WDPCP: variants seen among roughly 807,000 people sequenced by gnomAD.
WDPCP encodes the protein WD repeat containing planar cell polarity effector.
WDPCP carries 71 observed loss-of-function variants against 93.1 expected under a neutral mutation model. The ratio of observed to expected loss-of-function variants is 0.76; its 90% CI spans 0.63 to 0.93. The LOEUF (loss-of-function observed/expected upper bound fraction) is 0.93, where lower values mean the gene tolerates loss of function less well. WDPCP is among the 40% of genes least tolerant of loss of function. The pLI is 0.00. For missense variants in WDPCP, 844 were observed against 887.4 expected (o/e 0.95, Z 0.62); for synonymous variants, 315 against 315.0 (o/e 1.00, Z 0.00).
chr2:63,664,501 CCTT>C (rs1426665210), intron 2 of WDPCP, among the ~76,000 whole-genome samples: 1 of 152,184 alleles, frequency 6.6e-6, no homozygotes, highest in Non-Finnish European at 1.5e-5. Context: ...ATGAGGGACT[CCTT>C]CTTTCTGCAC....
At chr2:63,268,270 T>A (rs539135408) in intron 13 of WDPCP, among the ~76,000 whole-genome samples, 23 of 152,226 alleles carry the variant, frequency 1.5e-4, no homozygotes, top group African/African-American at 5.3e-4. Context: ...TGGATTTTTT[T>A]TAAATTGATT....
Position 63,452,846 on chromosome 2 carries a change from A to G in WDPCP, c.385-12975T>C, listed in dbSNP as rs1698353792. ...TGACAAAAACAAGAAATGGGGAAACAACTCCCTATTTAATAAATGGTGCTG... is the reference window on the plus strand; with the variant it reads ...TGACAAAAACAAGAAATGGGGAAACGACTCCCTATTTAATAAATGGTGCTG... On this transcript the variant is annotated intron_variant, in intron 6 of 17. Coordinates refer to ENST00000272321, the MANE Select transcript of WDPCP (RefSeq NM_015910.7). 2.6e-5 allele frequency among the ~76,000 whole-genome samples: 4 copies of G among 152,256 alleles called. No individual in the cohort carries two copies. The East Asian group carries it at 5.8e-4, about 22-fold the overall frequency.
intron 1 of WDPCP, among the ~76,000 whole-genome samples, chr2:63,500,451 G>GC (rs1553412885): frequency 1.1e-4 from 10 of 95,124 alleles, no homozygotes; most frequent in Non-Finnish European, 2.0e-4. Context: ...AAAATGGTGT[G>GC]GGGGTGTGTG....
At chr2:63,445,381 A>G (rs1328864063) in intron 6 of WDPCP, among the ~76,000 whole-genome samples, 1 of 152,224 alleles carries the variant, frequency 6.6e-6, no homozygotes, top group African/African-American at 2.4e-5. Context: ...ATGGAATACA[A>G]CGTACCTAGA....
intron 13 of WDPCP, among the ~76,000 whole-genome samples, chr2:63,281,062 A>C (rs1260130865): frequency 1.3e-5 from 2 of 152,180 alleles, no homozygotes; most frequent in East Asian, 3.8e-4. Context: ...AAAGGGAGAA[A>C]ATCTTCACAA....
intron 9 of WDPCP, among the ~76,000 whole-genome samples, chr2:63,429,649 C>T (rs758828728): frequency 6.6e-6 from 1 of 152,046 alleles, no homozygotes; most frequent in African/African-American, 2.4e-5. Flanking sequence ...CCATCTCACA[C>T]CAGTCAGAAT....
chr2:63,772,235 G>A (rs1278641992), intron 2 of WDPCP, among the ~76,000 whole-genome samples: 2 of 152,044 alleles, frequency 1.3e-5, no homozygotes, highest in African/African-American at 2.4e-5. Flanking sequence ...TCTGACTGAT[G>A]TGAGATGGCA....
rs1484811223 is a variant in WDPCP, at chr2:63,630,046, T to C, written n.488+20613A>G. Among the ~76,000 whole-genome samples the C allele has an allele frequency of 2.0e-5, 3 of 152,338 alleles. No homozygotes were observed. The East Asian group carries it at 5.8e-4, about 29-fold the overall frequency. Reference sequence around the variant, plus strand: ...TTATAAATGCTTCAATGAGAAATTATGAACATGCTTGGAACAAATGAAAAA... The same window carrying C: ...TTATAAATGCTTCAATGAGAAATTACGAACATGCTTGGAACAAATGAAAAA... On this transcript the variant is annotated intron_variant and non_coding_transcript_variant, in intron 3 of 4. Transcript: ENST00000467687.
chr2:63,350,323 G>C (rs1032314901), intron 12 of WDPCP, among the ~76,000 whole-genome samples: 3 of 152,124 alleles, frequency 2.0e-5, no homozygotes, highest in African/African-American at 7.2e-5. Context: ...ATAGCATTAG[G>C]AGAAATACCT....
In WDPCP at chr2:63,423,696, T is replaced by C. The variant is rs1696039649; in HGVS notation, c.825+10049A>G. On this transcript the variant is annotated intron_variant, in intron 9 of 17. Coordinates refer to ENST00000272321, the MANE Select transcript of WDPCP (RefSeq NM_015910.7). ...GAATAAGTTGCCATCACGTGATTGA[T>C]ACTGGTTCACATTACTGATAAAAGT... Among the ~76,000 whole-genome samples the C allele has an allele frequency of 2.6e-5, 4 of 152,200 alleles. No homozygotes were observed. In the South Asian group the frequency reaches 8.3e-4, roughly 32 times the overall value.
chr2:63,802,320 A>ATTTATT (rs1670709911), intron 2 of WDPCP, among the ~76,000 whole-genome samples: 1 of 130,590 alleles, frequency 7.7e-6, no homozygotes, highest in African/African-American at 3.0e-5. Flanking sequence ...AAAAAAAAAA[A>ATTTATT]AGATTTATTA....
intron 13 of WDPCP, among the ~76,000 whole-genome samples, chr2:63,285,225 T>A (rs1022757797): frequency 6.6e-6 from 1 of 152,018 alleles, no homozygotes; most frequent in Non-Finnish European, 1.5e-5. Flanking sequence ...GGTAAGGAGA[T>A]CAAGACTATC....
chr2:63,419,742 G>A (rs1271450552), intron 9 of WDPCP, among the ~76,000 whole-genome samples: 2 of 152,062 alleles, frequency 1.3e-5, no homozygotes, highest in African/African-American at 4.8e-5. Flanking sequence ...TTTCAGGTAT[G>A]GAATATATCT....
chr2:63,582,144 G>A (rs572613473), intron 1 of WDPCP, among the ~76,000 whole-genome samples: 1 of 152,092 alleles, frequency 6.6e-6, no homozygotes, highest in South Asian at 2.1e-4. Context: ...TTATAACCTG[G>A]AGACTAGAAT....
intron 17 of WDPCP, among the ~76,000 whole-genome samples, chr2:63,152,464 G>A (rs1671951878): frequency 6.6e-6 from 1 of 151,956 alleles, no homozygotes; most frequent in South Asian, 2.1e-4. Flanking sequence ...AGTAGGGAGG[G>A]TTTTGCCATG....
intron 2 of WDPCP, among the ~76,000 whole-genome samples, chr2:63,807,248 G>T (rs938735120): frequency 1.3e-5 from 2 of 152,228 alleles, no homozygotes; most frequent in African/African-American, 4.8e-5. Flanking sequence ...GGAGGAGGGG[G>T]TCTAGAGGAA....
chr2:63,827,655 C>T (rs1176499337), exon 1 of WDPCP: 4 of 152,140 alleles, frequency 2.6e-5, no homozygotes, highest in East Asian at 1.9e-4. Context: ...CCTGCAGAGG[C>T]GGATCTCAGT....
chr2:63,317,295 C>G (rs940947923), intron 12 of WDPCP, among the ~76,000 whole-genome samples: 1 of 151,612 alleles, frequency 6.6e-6, no homozygotes, highest in Non-Finnish European at 1.5e-5. Context: ...GTAATCCCAG[C>G]TACTTGGGAA....
chr2:63,195,626 A>G (rs1382576866), intron 14 of WDPCP, among the ~76,000 whole-genome samples: 1 of 152,010 alleles, frequency 6.6e-6, no homozygotes, highest in African/African-American at 2.4e-5. Flanking sequence ...ACAGACATAG[A>G]TTTTTTCAAC....
Sources: gnomAD v4.1 joint callset for allele counts (sites outside exome capture counted in the v4.1 genomes callset) on GRCh38, gnomAD v4.1.1 for gene constraint, MANE v1.5 for transcripts, NCBI Gene and HGNC (gene_info 2026-07-23, HGNC 2026-07-21) for gene names.